Variants in CNTN1 observed in about 807,000 individuals in gnomAD.
The protein encoded by CNTN1 is contactin-1.
CNTN1 carries 38 observed loss-of-function variants against 126.4 expected under a neutral mutation model. The observed-to-expected ratio is 0.30, with a 90% CI of 0.23 to 0.39. The LOEUF (loss-of-function observed/expected upper bound fraction) is 0.39. Among genes scored for constraint, CNTN1 ranks in the 10% least tolerant of loss-of-function variants. The pLI, the probability that CNTN1 is intolerant of heterozygous loss-of-function variation, is 1.00. For synonymous variants in CNTN1, 413 were observed against 422.6 expected, an observed-to-expected ratio of 0.98 and a Z score of 0.28; for missense variants, 1,009 against 1,248.4, an observed-to-expected ratio of 0.81 and a Z score of 2.89.
At chr12:40,756,687 C>T (rs1374375724) in intron 1 of CNTN1, among the ~76,000 whole-genome samples, 2 of 152,052 alleles carry the variant, frequency 1.3e-5, no homozygotes, top group Non-Finnish European at 2.9e-5. Flanking sequence ...TAGTTTGCTC[C>T]TCTTTATTAA....
chr12:40,888,475 C>G lies in CNTN1; in HGVS notation c.-76-19882C>G, dbSNP rs555697196. Among the ~76,000 whole-genome samples the G allele has an allele frequency of 2.6e-5, 4 of 152,156 alleles. No individual in the cohort carries two copies. In the East Asian group the frequency reaches 7.7e-4, roughly 29 times the overall value. ...TTATTTTGAGTGTTCAAAAGTAGTA[C>G]TGGAAACATAATTCAGTCTGTAATC... On this transcript the variant is annotated intron_variant, in intron 1 of 23. Transcript: ENST00000551295.
intron 1 of CNTN1, among the ~76,000 whole-genome samples, chr12:40,786,706 C>T (rs2136458766): frequency 1.3e-5 from 2 of 152,206 alleles, no homozygotes; most frequent in South Asian, 2.1e-4. Context: ...TAAAGAAGAA[C>T]TGGAAGCAGA....
intron 19 of CNTN1, 133 bp downstream of exon 19, chr12:41,017,049 A>G (rs572484804): frequency 1.4e-6 from 1 of 720,212 alleles, no homozygotes; most frequent in Admixed American, 2.1e-5. Context: ...GTAAATGAGT[A>G]CTATTTTGAA....
chr12:40,902,956 TA>T (rs1009576879), intron 1 of CNTN1, among the ~76,000 whole-genome samples: 2 of 151,946 alleles, frequency 1.3e-5, no homozygotes, highest in Non-Finnish European at 2.9e-5. Flanking sequence ...GAATGACAAG[TA>T]GAGGAAGAGA....
intron 1 of CNTN1, among the ~76,000 whole-genome samples, chr12:40,843,112 C>T (rs1942353171): frequency 6.6e-6 from 1 of 152,160 alleles, no homozygotes; most frequent in African/African-American, 2.4e-5. Flanking sequence ...TGAAAACTAA[C>T]TCCTTTATGC....
At chr12:40,980,850 ATG>A (rs2120372422) in intron 15 of CNTN1, 57 bp from the exon 16 acceptor site, 1 of 1,461,030 alleles carries the variant, frequency 6.8e-7, no homozygotes, top group East Asian at 2.3e-5. Context: ...TTATATTCTA[ATG>A]TGTGTTTGAC....
rs564667197 is a variant in CNTN1 at position 40,947,953 on chromosome 12, G to A, written c.1683+3783G>A. On this transcript the variant is annotated intron_variant, in intron 14 of 23. Coordinates refer to ENST00000551295, the MANE Select transcript of CNTN1 (RefSeq NM_001843.4). ...AGAGATTGTGTCACAAACCAACCTG[G>A]GCTTTAGGCTTCATTTTCTCACCTC... Among the ~76,000 whole-genome samples the A allele has an allele frequency of 1.2e-3, 176 of 151,700 alleles. 3 individuals carry two copies. The South Asian group carries it at 0.036, about 31-fold the overall frequency.
At position 40,968,011 on chromosome 12, in the gene CNTN1, G is replaced by A. The variant is rs377358865; in HGVS notation, c.1804+8777G>A. On this transcript the variant is annotated intron_variant, in intron 15 of 23. Coordinates refer to ENST00000551295, the MANE Select transcript of CNTN1 (RefSeq NM_001843.4). ...AAAATGATATATAACATTTATTAAAGACATTGTTTACCAGATTTAATTTTA... is the reference window on the plus strand; with the variant it reads ...AAAATGATATATAACATTTATTAAAAACATTGTTTACCAGATTTAATTTTA... 7.8e-4 allele frequency among the ~76,000 whole-genome samples: 117 copies of A among 150,150 alleles called. 2 individuals carry two copies. In the South Asian group the frequency reaches 0.024, roughly 31 times the overall value.
At chr12:41,013,908 C>G (rs1948724154) in intron 17 of CNTN1, among the ~76,000 whole-genome samples, 1 of 152,142 alleles carries the variant, frequency 6.6e-6, no homozygotes, top group South Asian at 2.1e-4. Context: ...GTTAGAAGTT[C>G]ATAGGCTTCA....
intron 2 of CNTN1, among the ~76,000 whole-genome samples, chr12:40,909,650 A>C (rs1219136748): frequency 1.3e-5 from 2 of 151,774 alleles, no homozygotes; most frequent in African/African-American, 4.8e-5. Flanking sequence ...ATTAGTACTT[A>C]AGGATTTTAA....
chr12:40,752,479 GA>G (rs1163748766), intron 1 of CNTN1, among the ~76,000 whole-genome samples: 2 of 152,068 alleles, frequency 1.3e-5, no homozygotes, highest in African/African-American at 2.4e-5. Context: ...ATATGATTTT[GA>G]AAAAATGTCT....
chr12:40,976,986 G>C (rs1040170739), intron 15 of CNTN1, among the ~76,000 whole-genome samples: 4 of 152,122 alleles, frequency 2.6e-5, no homozygotes, highest in Non-Finnish European at 4.4e-5. Context: ...AGTTTATTTT[G>C]CCAAGGTTAT....
At chr12:41,042,511 G>A (rs1327709955) in intron 23 of CNTN1, among the ~76,000 whole-genome samples, 1 of 152,060 alleles carries the variant, frequency 6.6e-6, no homozygotes, top group Non-Finnish European at 1.5e-5. Flanking sequence ...AATGTTGACA[G>A]TGGGGTGTTA....
intron 1 of CNTN1, among the ~76,000 whole-genome samples, chr12:40,764,572 T>A (rs1379738160): frequency 6.6e-6 from 1 of 152,198 alleles, no homozygotes; most frequent in Admixed American, 6.5e-5. Flanking sequence ...AGAAAGACTT[T>A]CCTGGTATAG....
Position 41,051,145 on chromosome 12 carries a change from C to CTTTT in CNTN1, c.2981-18797_2981-18794dup, listed in dbSNP as rs58479316. Among the ~76,000 whole-genome samples the CTTTT allele has an allele frequency of 6.6e-5, 8 of 120,404 alleles. 1 individual carries two copies. The highest frequency in any genetic ancestry group is 1.7e-4 in the African/African-American group (5 of 30,254). 79.0% of individuals were successfully genotyped at this position (120,404 alleles called of 152,430 possible). A position where few individuals can be genotyped will look rare whatever the true frequency, so the allele number is the denominator to read the frequency against. ...TTTTTAGAACATATTGCTTTGTGAT[C>CTTTT]TTTTTTTTTTTTTTTTTTTTGAGAC... On this transcript the variant is annotated intron_variant, in intron 23 of 23. Coordinates refer to ENST00000551295, the MANE Select transcript of CNTN1 (RefSeq NM_001843.4).
At chr12:40,699,396 A>ATTT (rs981709663) in intron 1 of CNTN1, among the ~76,000 whole-genome samples, 19 of 152,332 alleles carry the variant, frequency 1.2e-4, no homozygotes, top group African/African-American at 3.8e-4. Context: ...GGTTTTGTTG[A>ATTT]TTTATACAGA....
At position 40,943,629 on chromosome 12, in the gene CNTN1, TCAA is replaced by T. The variant is rs2136950735; in HGVS notation, c.1418_1420del (p.Asn473del). ...ATTTGGGAAGATGGTAGCTTGGAAA[TCAA>T]CAACATTACAAGGAATGATGGAGGT... On this transcript the variant is annotated inframe_deletion, in exon 13 of 24. Coordinates refer to ENST00000551295, the MANE Select transcript of CNTN1 (RefSeq NM_001843.4). 1.3e-6 allele frequency: 2 copies of T among 1,598,314 alleles called. No homozygotes were observed. Among genetic ancestry groups the T allele is most frequent in the Non-Finnish European group, 1.7e-6 (2 of 1,165,916 alleles).
intron 1 of CNTN1, among the ~76,000 whole-genome samples, chr12:40,779,399 A>G (rs74076790): frequency 0.09 from 13,705 of 151,924 alleles, 880 homozygotes; most frequent in Admixed American, 0.2. Flanking sequence ...TACCAAGGAC[A>G]CTTATAATTT....
intron 1 of CNTN1, among the ~76,000 whole-genome samples, chr12:40,861,986 G>T (rs941896801): frequency 4.0e-5 from 6 of 151,872 alleles, no homozygotes; most frequent in Non-Finnish European, 7.4e-5. Context: ...GTTGCTTGAG[G>T]CCAGGAGTTT....
Sources: gnomAD v4.1 joint callset for allele counts (sites outside exome capture counted in the v4.1 genomes callset) on GRCh38, gnomAD v4.1.1 for gene constraint, MANE v1.5 for transcripts, NCBI Gene and HGNC (gene_info 2026-07-23, HGNC 2026-07-21) for gene names.